Variants in CDC73 observed in about 807,000 individuals in gnomAD.
CDC73 encodes the protein cell division cycle 73.
A neutral mutation model predicts 83.7 loss-of-function variants in CDC73; 21 were observed. The observed-to-expected ratio is 0.25, with a 90% CI of 0.18 to 0.36. The LOEUF (loss-of-function observed/expected upper bound fraction) is 0.36, where lower values mean the gene tolerates loss of function less well. CDC73 is among the 10% of genes least tolerant of loss of function. The pLI, the probability that CDC73 is intolerant of heterozygous loss-of-function variation, is 1.00. For synonymous variants in CDC73, 224 were observed against 212.9 expected, an observed-to-expected ratio of 1.05 and a Z score of -0.45; for missense variants, 342 against 653.3, an observed-to-expected ratio of 0.52 and a Z score of 5.19.
At chr1:193,180,830 T>G in intron 10 of CDC73, 5 of 1,614,068 alleles carry the variant, frequency 3.1e-6, no homozygotes, top group Non-Finnish European at 4.2e-6. Context: ...ACATATGGAA[T>G]ATGTGGACAG....
chr1:193,151,288 T>G (rs947463666), intron 9 of CDC73, among the ~76,000 whole-genome samples: 1 of 152,236 alleles, frequency 6.6e-6, no homozygotes, highest in Non-Finnish European at 1.5e-5. Flanking sequence ...TGTGCTGACT[T>G]CATTCAGTTG....
chr1:193,124,669 G>C (rs1466651841), intron 1 of CDC73, among the ~76,000 whole-genome samples: 2 of 152,222 alleles, frequency 1.3e-5, no homozygotes, highest in Admixed American at 6.5e-5. Context: ...TGTGTTTACT[G>C]TAAGAATGTG....
chr1:193,211,914 T>C, intron 11 of CDC73, 151 bp from the exon 12 acceptor site: 1 of 639,094 alleles, frequency 1.6e-6, no homozygotes, highest in Non-Finnish European at 2.8e-6. Flanking sequence ...TGTCAAACAG[T>C]GTTGAGAAGA....
intron 14 of CDC73, among the ~76,000 whole-genome samples, chr1:193,235,382 A>G (rs1186982642): frequency 6.6e-6 from 1 of 152,180 alleles, no homozygotes; most frequent in African/African-American, 2.4e-5. Context: ...TGAAGATTAA[A>G]TGTGTTAACA....
chr1:193,144,477 G>T (rs1016829533), intron 7 of CDC73, among the ~76,000 whole-genome samples: 4 of 151,842 alleles, frequency 2.6e-5, no homozygotes, highest in Non-Finnish European at 5.9e-5. Context: ...AAGATTTTAT[G>T]TGCATTTTTC....
intron 13 of CDC73, among the ~76,000 whole-genome samples, chr1:193,226,667 A>C (rs1677572335): frequency 6.6e-6 from 1 of 152,082 alleles, no homozygotes; most frequent in African/African-American, 2.4e-5. Flanking sequence ...TTGGTATGAA[A>C]CCCATTTGAT....
At chr1:193,249,647 G>A (rs1207498402) in intron 15 of CDC73, 83 bp from the exon 16 acceptor site, 1 of 1,020,054 alleles carries the variant, frequency 9.8e-7, no homozygotes, top group Non-Finnish European at 1.5e-6. Flanking sequence ...TTATAATACG[G>A]CTTCAGTTGG....
intron 10 of CDC73, chr1:193,181,658 T>C: frequency 2.6e-6 from 3 of 1,135,772 alleles, no homozygotes; most frequent in South Asian, 3.2e-5. Flanking sequence ...TCTAATTCAG[T>C]CACATTGTCT....
At chr1:193,130,300 T>G in intron 3 of CDC73, 57 bp downstream of exon 3, 1 of 1,047,272 alleles carries the variant, frequency 9.5e-7, no homozygotes, top group South Asian at 1.3e-5. Flanking sequence ...TTTTTTCCCC[T>G]ATGAAATAAT....
chr1:193,140,632 A>T (rs939401735), intron 6 of CDC73, among the ~76,000 whole-genome samples: 1 of 152,152 alleles, frequency 6.6e-6, no homozygotes, highest in African/African-American at 2.4e-5. Flanking sequence ...GATAACCGAG[A>T]TGGCTATTAA....
intron 7 of CDC73, among the ~76,000 whole-genome samples, chr1:193,147,015 C>T (rs1266964931): frequency 2.0e-5 from 3 of 151,366 alleles, no homozygotes; most frequent in African/African-American, 7.3e-5. Flanking sequence ...TTTTTTTAGA[C>T]GGATTCTTGC....
At chr1:193,235,241 CCTT>C (rs1553291319) in intron 14 of CDC73, among the ~76,000 whole-genome samples, 2 of 152,228 alleles carry the variant, frequency 1.3e-5, no homozygotes, top group African/African-American at 2.4e-5. Flanking sequence ...TTATTCTCCT[CCTT>C]CTCTTCTTCT....
rs1389579200 is a variant in CDC73, at chr1:193,180,230, G to T, written c.973-23565G>T. 4 of 1,425,710 alleles carry T rather than the reference G, an allele frequency of 2.8e-6. No individual in the cohort carries two copies. The East Asian group carries it at 9.2e-5, about 33-fold the overall frequency. The allele number at this position is 1,425,710 out of a possible 1,614,324, so 88.3% of individuals were successfully genotyped here. A position where few individuals can be genotyped will look rare whatever the true frequency, so the allele number is the denominator to read the frequency against. On this transcript the variant is annotated intron_variant, in intron 10 of 16. Transcript: ENST00000367435. ...AAAACTTGTCCTACGGATGTAATCA[G>T]TTCTAACTATACATGCTTTTAGCAA...
At chr1:193,230,516 C>G (rs1045487347) in intron 13 of CDC73, among the ~76,000 whole-genome samples, 5 of 136,738 alleles carry the variant, frequency 3.7e-5, no homozygotes, top group African/African-American at 1.4e-4. Flanking sequence ...TTTATGGAAC[C>G]TAAAAATGGA....
At chr1:193,136,509 T>C (rs1442433571) in intron 5 of CDC73, 2 of 286,316 alleles carry the variant, frequency 7.0e-6, no homozygotes, top group Non-Finnish European at 1.7e-5. Context: ...TCGTATTTGC[T>C]CATAGATGAT....
intron 10 of CDC73, chr1:193,180,395 G>C: frequency 6.2e-7 from 1 of 1,613,872 alleles, no homozygotes; most frequent in Non-Finnish European, 8.5e-7. Flanking sequence ...TATTTTATCA[G>C]TTCACTAGGC....
chr1:193,179,370 CT>C (rs961470603), intron 10 of CDC73: 5 of 152,460 alleles, frequency 3.3e-5, no homozygotes, highest in African/African-American at 1.2e-4. Flanking sequence ...CACCTGCACT[CT>C]TTATCTTTTT....
chr1:193,248,407 A>G (rs922927832), intron 15 of CDC73, among the ~76,000 whole-genome samples: 3 of 152,088 alleles, frequency 2.0e-5, no homozygotes, highest in Non-Finnish European at 4.4e-5. Context: ...CAAGGAGATG[A>G]ATGTTGTTTT....
Position 193,152,442 on chromosome 1 carries a change from A to T in CDC73, c.970A>T (p.Thr324Ser). ...CCATGGTATGACACTGAAATCTGTA[A>T]CGGTAAGTTAATTTGGCTGTAGATG... is the stretch of plus-strand genomic sequence containing the variant. ...TYHGMTLKSV[T>S]EGASARKTQT... is the part of the protein sequence containing the mutation. The change falls in exon 10 of 17, where the codon ACG becomes TCG. Residue 324 changes from threonine (T) to serine (S), a missense_variant and splice_region_variant. Transcript: ENST00000367435. 6.2e-7 allele frequency: 1 copy of T among 1,601,378 alleles called. No homozygotes were observed. Among genetic ancestry groups the T allele is most frequent in the Non-Finnish European group, 8.6e-7 (1 of 1,168,758 alleles).
Sources: allele counts gnomAD v4.1 joint callset (sites outside exome capture counted in the v4.1 genomes callset), GRCh38; gene constraint gnomAD v4.1.1; transcripts MANE v1.5; gene names NCBI Gene and HGNC (gene_info 2026-07-23, HGNC 2026-07-21).